Variants in PINX1 observed in about 807,000 individuals in gnomAD.
PINX1 encodes the protein PIN2/TERF1-interacting telomerase inhibitor 1.
Under a neutral mutation model 25.4 loss-of-function variants are expected in PINX1, and 34 were observed. The ratio of observed to expected loss-of-function variants is 1.34; its 90% CI spans 1.02 to 1.78. The LOEUF (loss-of-function observed/expected upper bound fraction) is 1.78, where lower values mean the gene tolerates loss of function less well. Ranked by LOEUF, PINX1 falls within the 40% of genes most tolerant of loss-of-function variation. The pLI is 0.00. For missense variants in PINX1, 592 were observed against 404.9 expected (o/e 1.46, Z -3.97); for synonymous variants, 197 against 147.7 (o/e 1.33, Z -2.42).
At chr8:10,809,149 G>A (rs967615712) in intron 6 of PINX1, among the ~76,000 whole-genome samples, 5 of 152,114 alleles carry the variant, frequency 3.3e-5, no homozygotes, top group African/African-American at 1.2e-4. Flanking sequence ...AAGCCAACTC[G>A]GCTATTTTAG....
intron 6 of PINX1, among the ~76,000 whole-genome samples, chr8:10,788,623 T>C (rs1315975991): frequency 6.6e-6 from 1 of 152,090 alleles, no homozygotes. Flanking sequence ...TCATTAGAGT[T>C]CTTCCTGGAG....
chr8:10,815,956 C>G (rs894910945), intron 6 of PINX1, among the ~76,000 whole-genome samples: 2 of 152,162 alleles, frequency 1.3e-5, no homozygotes, highest in South Asian at 2.1e-4. Flanking sequence ...CCCTGCAGAT[C>G]TGAGCAGCCT....
At chr8:10,839,082 G>C (rs1240339994) in intron 1 of PINX1, among the ~76,000 whole-genome samples, 1 of 152,154 alleles carries the variant, frequency 6.6e-6, no homozygotes, top group Non-Finnish European at 1.5e-5. Flanking sequence ...CTTCGCTACA[G>C]GTACAATTCA....
intron 5 of PINX1, among the ~76,000 whole-genome samples, chr8:10,825,192 T>G (rs1171305591): frequency 6.6e-6 from 1 of 152,094 alleles, no homozygotes; most frequent in African/African-American, 2.4e-5. Context: ...TACTTCAGAG[T>G]AGTGGGGATT....
chr8:10,785,404 G>A (rs1388410385), intron 6 of PINX1, among the ~76,000 whole-genome samples: 2 of 152,104 alleles, frequency 1.3e-5, no homozygotes, highest in Non-Finnish European at 2.9e-5. Context: ...ATCATGCTTC[G>A]GTGATAAATT....
Position 10,822,422 on chromosome 8 carries a change from T to C in PINX1, c.395-2153A>G, listed in dbSNP as rs144156087. 4.3e-3 allele frequency among the ~76,000 whole-genome samples: 654 copies of C among 152,376 alleles called. 12 individuals carry two copies. The highest frequency in any genetic ancestry group is 8.5e-4 in the Non-Finnish European group (58 of 68,042). ...GAAAACTGAATAGGAAACATCTATC[T>C]GGATTTGGTTCATCTATTAGTCTTC... On this transcript the variant is annotated intron_variant, in intron 5 of 6. Transcript: ENST00000314787.
chr8:10,823,035 C>G (rs150659504), intron 5 of PINX1, among the ~76,000 whole-genome samples: 2 of 152,134 alleles, frequency 1.3e-5, no homozygotes, highest in South Asian at 2.1e-4. Flanking sequence ...CTAAAAGACA[C>G]CATAAACCAG....
At chr8:10,769,553 C>CA (rs1350989202) in intron 6 of PINX1, among the ~76,000 whole-genome samples, 1 of 152,230 alleles carries the variant, frequency 6.6e-6, no homozygotes, top group Non-Finnish European at 1.5e-5. Context: ...TTTGAGGAAG[C>CA]TTCACCCAAA....
rs1801009702 is a variant in PINX1 at position 10,765,619 on chromosome 8, C to G, written c.769G>C (p.Ala257Pro). 1 of 1,613,716 alleles carries G rather than the reference C, an allele frequency of 6.2e-7. No homozygotes were observed. Among genetic ancestry groups the G allele is most frequent in the Admixed American group, 1.7e-5 (1 of 60,000 alleles). ...ERVAKKKSAP[A>P]EEQLRGPCWD... ...CAGGGGCCTCTGAGCTGCTCTTCTGCTGGCGCGCTCTTCTTCTTGGCCACT... is the reference window on the plus strand; with the variant it reads ...CAGGGGCCTCTGAGCTGCTCTTCTGGTGGCGCGCTCTTCTTCTTGGCCACT... The change falls in exon 7 of 7, where the codon GCA (alanine) becomes CCA (proline). Residue 257 changes from alanine to proline, a missense_variant. Transcript: ENST00000314787.
chr8:10,831,670 G>A lies in PINX1; in HGVS notation c.296C>T (p.Thr99Ile). The change falls in exon 4 of 7, where the codon ACC becomes ATC. Residue 99 changes from threonine (T) to isoleucine (I), a missense_variant. Physicochemically the swap from Thr to Ile is moderately conservative, Grantham distance 89. Transcript: ENST00000314787. ...AELNTCHGQE[T>I]TDSSDKKEKK... is the part of the protein sequence containing the mutation. ...ATGTCATCTGATTTCCCTACCTGTG[G>A]TTTCCTGCCCATGGCAAGTGTTCAG... 2 of 1,593,440 alleles carry A rather than the reference G, an allele frequency of 1.3e-6. No homozygotes were observed. Among genetic ancestry groups the A allele is most frequent in the Non-Finnish European group, 1.7e-6 (2 of 1,164,714 alleles).
At chr8:10,809,105 C>T (rs933839046) in intron 6 of PINX1, among the ~76,000 whole-genome samples, 1 of 152,210 alleles carries the variant, frequency 6.6e-6, no homozygotes, top group Non-Finnish European at 1.5e-5. Context: ...TGGTTTATTT[C>T]AGCTAATGTT....
chr8:10,776,443 AAATAAAC>A (rs1356618783), intron 6 of PINX1, among the ~76,000 whole-genome samples: 1 of 142,364 alleles, frequency 7.0e-6, no homozygotes, highest in Non-Finnish European at 1.5e-5. Context: ...ATAAATAAAT[AAATAAAC>A]AAACAAACAA....
intron 6 of PINX1, among the ~76,000 whole-genome samples, chr8:10,803,264 C>T (rs1802326757): frequency 6.6e-6 from 1 of 152,158 alleles, no homozygotes; most frequent in African/African-American, 2.4e-5. Flanking sequence ...CAGTAAAAAC[C>T]ACTAAAAAGT....
chr8:10,801,855 T>G (rs745694863), intron 6 of PINX1, among the ~76,000 whole-genome samples: 2 of 152,130 alleles, frequency 1.3e-5, no homozygotes, highest in African/African-American at 4.8e-5. Context: ...TAAAGGAACC[T>G]CCATCGCTGA....
intron 6 of PINX1, among the ~76,000 whole-genome samples, chr8:10,784,405 T>C (rs1478152143): frequency 6.6e-6 from 1 of 152,216 alleles, no homozygotes; most frequent in Non-Finnish European, 1.5e-5. Context: ...TTAAAGCTGA[T>C]ACTCTACTTA....
At chr8:10,790,567 C>T (rs1485514198) in intron 6 of PINX1, among the ~76,000 whole-genome samples, 1 of 152,164 alleles carries the variant, frequency 6.6e-6, no homozygotes. Context: ...TCCATACTGT[C>T]AGCCCCCAAT....
At chr8:10,832,782 A>G in intron 3 of PINX1, 110 bp downstream of exon 3, 1 of 601,358 alleles carries the variant, frequency 1.7e-6, no homozygotes, top group Non-Finnish European at 3.0e-6. Context: ...ACGTGAATAA[A>G]AAGAAGTGCT....
At chr8:10,820,057 G>C (rs768433354) in intron 6 of PINX1, 136 bp downstream of exon 6, 12 of 669,722 alleles carry the variant, frequency 1.8e-5, no homozygotes, top group African/African-American at 3.6e-5. Flanking sequence ...ATCATATCTA[G>C]GCTGTGCATG....
intron 6 of PINX1, among the ~76,000 whole-genome samples, chr8:10,793,619 G>A (rs1801993080): frequency 6.6e-6 from 1 of 152,036 alleles, no homozygotes; most frequent in Non-Finnish European, 1.5e-5. Flanking sequence ...AGGAATTAAT[G>A]CTAAAGAAAG....
Sources: gnomAD v4.1 joint callset for allele counts (sites outside exome capture counted in the v4.1 genomes callset) on GRCh38, gnomAD v4.1.1 for gene constraint, MANE v1.5 for transcripts, NCBI Gene and HGNC (gene_info 2026-07-23, HGNC 2026-07-21) for gene names.